SCN4A: variants seen among roughly 807,000 people sequenced by gnomAD.
The protein encoded by SCN4A is sodium voltage-gated channel alpha subunit 4.
Under a neutral mutation model 162.0 loss-of-function variants are expected in SCN4A, and 83 were observed. That is an observed-to-expected ratio of 0.51 (90% CI 0.43 to 0.61). The LOEUF (loss-of-function observed/expected upper bound fraction) is 0.61. Among genes scored for constraint, SCN4A ranks in the 20% least tolerant of loss-of-function variants. The pLI, the probability that SCN4A is intolerant of heterozygous loss-of-function variation, is 0.00. For synonymous variants in SCN4A, 944 were observed against 985.1 expected, an observed-to-expected ratio of 0.96 and a Z score of 0.78; for missense variants, 2,196 against 2,462.5, an observed-to-expected ratio of 0.89 and a Z score of 2.29.
chr17:63,963,868 GC>G, intron 9 of SCN4A, 43 bp from the exon 10 acceptor site: 1 of 1,545,304 alleles, frequency 6.5e-7, no homozygotes, highest in Non-Finnish European at 8.8e-7. Context: ...CCAGCTCTGA[GC>G]CAGAGGGATG....
chr17:63,943,039 T>A lies in SCN4A; in HGVS notation c.4075A>T (p.Ile1359Phe). The change falls in exon 23 of 24, where the codon ATC becomes TTC. Residue 1359 changes from isoleucine (I) to phenylalanine (F), a missense_variant. Transcript: ENST00000435607. ...LVTKQAFDIT[I>F]MILICLNMVT... ...ATGTTGAGGCAGATGAGGATCATGA[T>A]GGTGATGTCGAAGGCCTGCTTCGTC... is the stretch of plus-strand genomic sequence containing the variant. 1 of 1,613,970 alleles carries A rather than the reference T, an allele frequency of 6.2e-7. No individual in the cohort carries two copies.
chr17:63,947,080 G>T lies in SCN4A; in HGVS notation c.3406C>A (p.Pro1136Thr). 6.2e-7 allele frequency: 1 copy of T among 1,613,484 alleles called. No homozygotes were observed. The highest frequency in any genetic ancestry group is 8.5e-7 in the Non-Finnish European group (1 of 1,179,748). ...KSLRTLRALR[P>T]LRALSRFEGM... ...TCGAATCGGGACAGTGCCCTCAGGG[G>T]ACGCAGGGCCCGCAGTGTCCGCAGG... The change falls in exon 18 of 24, where the codon CCC becomes ACC. Residue 1136 changes from proline (P) to threonine (T), a missense_variant. By Grantham distance (38) the Pro-to-Thr change is conservative. Transcript: ENST00000435607.
Position 63,951,709 on chromosome 17 carries a change from G to A in SCN4A, c.2568C>T (p.Leu856=), listed in dbSNP as rs1393708864. ...CGGCCCCGTCAGCCTCCCCGAGGCT[G>A]AGCATGATGTCCTTGGGGCTCAGGA... The part of the protein sequence containing the change: ...GKILSPKDIM[L]SLGEADGAGE... The change falls in exon 14 of 24, where the codon CTC becomes CTT. Residue 856 remains leucine (L), a synonymous_variant. Transcript: ENST00000435607. The surrounding 1 kb of genome is among the most constrained non-coding windows in gnomAD (Gnocchi z 4.5). The A allele has an allele frequency of 8.1e-6, 13 of 1,596,820 alleles. No individual in the cohort carries two copies. Among genetic ancestry groups the A allele is most frequent in the Admixed American group, 1.8e-5 (1 of 56,862 alleles).
rs766569872 is a variant in SCN4A, at chr17:63,940,999, G to A, written c.5283C>T (p.Ser1761=). 9.3e-6 allele frequency: 15 copies of A among 1,613,196 alleles called. No individual in the cohort carries two copies. The highest frequency in any genetic ancestry group is 3.3e-5 in the Admixed American group (2 of 59,992). ...CCTCCTTCTCAGGGGCGTCATCCCC[G>A]CTGCCGTCGTGGCTGTGGCGGTACA... ...SYMYRHSHDG[S]GDDAPEKEGL... is the part of the protein sequence containing the mutation. Residue 1761 remains serine, a synonymous_variant, in exon 24 of 24, where the codon AGC becomes AGT. Coordinates refer to ENST00000435607, the MANE Select transcript of SCN4A (RefSeq NM_000334.4).
intron 11 of SCN4A, among the ~76,000 whole-genome samples, chr17:63,960,480 C>T (rs114688381): frequency 0.016 from 2,452 of 152,302 alleles, 62 homozygotes; most frequent in African/African-American, 0.056. Flanking sequence ...CTTCCCCTAA[C>T]CTTCAGGGTT....
intron 12 of SCN4A, among the ~76,000 whole-genome samples, chr17:63,958,296 G>T (rs1909135982): frequency 6.6e-6 from 1 of 151,928 alleles, no homozygotes; most frequent in Non-Finnish European, 1.5e-5. Flanking sequence ...GGTCAAGGCT[G>T]CAGTGAGCAG....
At position 63,959,212 on chromosome 17, in the gene SCN4A, A is replaced by G. The variant is rs1909166299; in HGVS notation, c.2019+53T>C. ...TCCCATCCCTGTGCCCACCCTCCTT[A>G]GTCTCCTCACCCCACCCCCATCCCA... On this transcript the variant is annotated intron_variant, in intron 12 of 23. Coordinates refer to ENST00000435607, the MANE Select transcript of SCN4A (RefSeq NM_000334.4). 15 of 1,515,576 alleles carry G rather than the reference A, an allele frequency of 9.9e-6. No individual in the cohort carries two copies. The South Asian group carries it at 1.8e-4, about 19-fold the overall frequency. The allele number at this position is 1,515,576 out of a possible 1,614,324, so 93.9% of individuals were successfully genotyped here. A position where few individuals can be genotyped will look rare whatever the true frequency, so the allele number is the denominator to read the frequency against.
intron 22 of SCN4A, 62 bp from the exon 23 acceptor site, chr17:63,943,158 G>A: frequency 1.3e-6 from 2 of 1,558,226 alleles, no homozygotes; most frequent in South Asian, 2.4e-5. Context: ...ACAGGACATG[G>A]ACAGGCAGGA....
In SCN4A at chr17:63,950,973, A is replaced by C. The variant is rs530151617; in HGVS notation, c.2853+451T>G. Among the ~76,000 whole-genome samples, 1 of 152,216 alleles carries C rather than the reference A, an allele frequency of 6.6e-6. No individual in the cohort carries two copies. Among genetic ancestry groups the C allele is most frequent in the Non-Finnish European group, 1.5e-5 (1 of 67,978 alleles). ...ATCTGGCACTTTGGCCCACACTGGGAGGTTGGGAGCAGACCCAGGTGGGGT... is the reference window on the plus strand; with the variant it reads ...ATCTGGCACTTTGGCCCACACTGGGCGGTTGGGAGCAGACCCAGGTGGGGT... On this transcript the variant is annotated intron_variant, in intron 14 of 23. Transcript: ENST00000435607. This position sits in a 1 kb window ranked among gnomAD's most constrained non-coding sequence, Gnocchi z 4.6.
intron 11 of SCN4A, 26 bp downstream of exon 11, chr17:63,961,167 T>G: frequency 2.3e-6 from 2 of 886,866 alleles, no homozygotes; most frequent in Non-Finnish European, 3.4e-6. Flanking sequence ...TGCCCATGAA[T>G]GATCCCCTCC....
chr17:63,942,323 G>T (rs556878530), intron 23 of SCN4A, among the ~76,000 whole-genome samples: 3 of 152,202 alleles, frequency 2.0e-5, no homozygotes, highest in African/African-American at 7.2e-5. Context: ...GAGACAGAGA[G>T]AGAGGGAGAC....
At position 63,941,978 on chromosome 17, in the gene SCN4A, T is replaced by C; in HGVS notation, c.4304A>G (p.Asp1435Gly). Residue 1435 changes from aspartate (D) to glycine (G), a missense_variant, in exon 24 of 24, where the codon GAC (aspartate) becomes GGC (glycine). Transcript: ENST00000435607. This position sits in a 1 kb window ranked among gnomAD's most constrained non-coding sequence, Gnocchi z 6.2. ...ILSIVGLALS[D>G]LIQKYFVSPT... Reference sequence around the variant, plus strand: ...TGACACGAAGTACTTCTGGATCAGGTCAGAGAGGGCAAGGCCTGCGGGGAG... The same window carrying C: ...TGACACGAAGTACTTCTGGATCAGGCCAGAGAGGGCAAGGCCTGCGGGGAG... 1 of 1,578,134 alleles carries C rather than the reference T, an allele frequency of 6.3e-7. No individual in the cohort carries two copies. The highest frequency in any genetic ancestry group is 8.6e-7 in the Non-Finnish European group (1 of 1,159,442).
At chr17:63,946,956 T>A (rs1015632150) in intron 18 of SCN4A, 89 bp downstream of exon 18, 3 of 1,249,738 alleles carry the variant, frequency 2.4e-6, no homozygotes, top group Non-Finnish European at 3.3e-6. Context: ...CTGGTGGTGG[T>A]TGGAGTATAG....
At chr17:63,949,699 G>A (rs1300867288) in intron 14 of SCN4A, 171 bp from the exon 15 acceptor site, 10 of 721,846 alleles carry the variant, frequency 1.4e-5, no homozygotes, top group East Asian at 5.7e-5. Flanking sequence ...CCACGGGGAC[G>A]TAGGTGGCCC....
rs553987207 is a variant in SCN4A at position 63,951,245 on chromosome 17, C to T, written c.2853+179G>A. On this transcript the variant is annotated intron_variant, in intron 14 of 23. Transcript: ENST00000435607. This position sits in a 1 kb window ranked among gnomAD's most constrained non-coding sequence, Gnocchi z 4.5. ...AATAACGATAGTGACTGCCACCACT[C>T]ACAGGGCGCGGACTGCATGCTTTAC... Among the ~76,000 whole-genome samples the T allele has an allele frequency of 3.9e-5, 6 of 152,316 alleles. No individual in the cohort carries two copies. In the South Asian group the frequency reaches 1.2e-3, roughly 32 times the overall value.
At chr17:63,942,750 T>C (rs1567816875) in intron 23 of SCN4A, 76 bp downstream of exon 23, 5 of 1,439,790 alleles carry the variant, frequency 3.5e-6, no homozygotes, top group Non-Finnish European at 4.7e-6. Context: ...CAGGGGCAGG[T>C]GTGTCCGTGT....
intron 5 of SCN4A, 87 bp downstream of exon 5, chr17:63,971,075 T>C: frequency 1.2e-6 from 1 of 851,780 alleles, no homozygotes; most frequent in Non-Finnish European, 1.9e-6. Flanking sequence ...AGCCTGGGAG[T>C]GTTGTGACAC....
At position 63,944,835 on chromosome 17, in the gene SCN4A, G is replaced by T. The variant is rs1364489020; in HGVS notation, c.3775-25C>A. ...TCTGTGGGAGCCACAGGGTGGGACGGCGTGGGTTTGCACGCTGGCTTCTCC... is the reference window on the plus strand; with the variant it reads ...TCTGTGGGAGCCACAGGGTGGGACGTCGTGGGTTTGCACGCTGGCTTCTCC... On this transcript the variant is annotated intron_variant, in intron 20 of 23. Transcript: ENST00000435607. This position sits in a 1 kb window ranked among gnomAD's most constrained non-coding sequence, Gnocchi z 4.3. The T allele has an allele frequency of 5.0e-6, 8 of 1,611,424 alleles. No individual in the cohort carries two copies. The highest frequency in any genetic ancestry group is 6.8e-6 in the Non-Finnish European group (8 of 1,178,526).
At position 63,948,030 on chromosome 17, in the gene SCN4A, C is replaced by T. The variant is rs1226803774; in HGVS notation, c.3178G>A (p.Val1060Ile). 6.2e-7 allele frequency: 1 copy of T among 1,611,336 alleles called. No individual in the cohort carries two copies. Among genetic ancestry groups the T allele is most frequent in the East Asian group, 2.2e-5 (1 of 44,772 alleles). The stretch of plus-strand genomic sequence containing the variant: ...GCATATTCTAGGATGGTGCGAATGA[C>T]TCGCCGCTGCTCAATGTAGATGTCC... ...FEDIYIEQRR[V>I]IRTILEYADK... The change falls in exon 17 of 24, where the codon GTC becomes ATC. Residue 1060 changes from valine (V) to isoleucine (I), a missense_variant. Coordinates refer to ENST00000435607, the MANE Select transcript of SCN4A (RefSeq NM_000334.4).
Sources: allele counts gnomAD v4.1 joint callset (sites outside exome capture counted in the v4.1 genomes callset), GRCh38; gene constraint gnomAD v4.1.1; non-coding constraint Gnocchi (gnomAD v3.1); transcripts MANE v1.5; gene names NCBI Gene and HGNC (gene_info 2026-07-23, HGNC 2026-07-21).